PSD3: variants seen among roughly 807,000 people sequenced by gnomAD.
PSD3 encodes the protein PH and SEC7 domain-containing protein 3.
Under a neutral mutation model 105.5 loss-of-function variants are expected in PSD3, and 49 were observed. The observed-to-expected ratio is 0.46, with a 90% CI of 0.37 to 0.59. PSD3 has a LOEUF of 0.59. PSD3 is among the 20% of genes least tolerant of loss of function. The probability of loss-of-function intolerance (pLI) is 0.00; values close to 1 mark genes in which losing one functional copy is unlikely to be tolerated. For missense variants in PSD3, 1,561 were observed against 1,263.8 expected, an observed-to-expected ratio of 1.24 and a Z score of -3.57; for synonymous variants, 557 against 457.8, an observed-to-expected ratio of 1.22 and a Z score of -2.77.
intron 9 of PSD3, among the ~76,000 whole-genome samples, chr8:18,709,117 G>A (rs904303739): frequency 3.3e-5 from 5 of 152,196 alleles, no homozygotes; most frequent in African/African-American, 1.2e-4. Flanking sequence ...CTTGGGGAAA[G>A]GGGTGGCTGC....
At chr8:18,758,524 A>C (rs1273820941) in intron 9 of PSD3, among the ~76,000 whole-genome samples, 3 of 151,404 alleles carry the variant, frequency 2.0e-5, no homozygotes, top group Non-Finnish European at 1.5e-5. Flanking sequence ...CTAGATTTTT[A>C]ATGGCTGATT....
At chr8:18,800,632 C>T (rs1269920874) in intron 7 of PSD3, among the ~76,000 whole-genome samples, 1 of 152,134 alleles carries the variant, frequency 6.6e-6, no homozygotes, top group African/African-American at 2.4e-5. Context: ...AAGGTAGGTC[C>T]ACAAACAAAC....
chr8:18,641,602 C>A (rs1440945010), intron 10 of PSD3, among the ~76,000 whole-genome samples: 1 of 152,168 alleles, frequency 6.6e-6, no homozygotes, highest in Non-Finnish European at 1.5e-5. Context: ...GTGGTTGTTA[C>A]ACAAGTGTGC....
At chr8:18,712,742 C>A (rs1158227529) in intron 9 of PSD3, among the ~76,000 whole-genome samples, 1 of 152,054 alleles carries the variant, frequency 6.6e-6, no homozygotes, top group Non-Finnish European at 1.5e-5. Context: ...CGAAACTATT[C>A]CAAAAAATTG....
At chr8:18,650,218 A>G (rs1808374222) in intron 10 of PSD3, among the ~76,000 whole-genome samples, 1 of 152,366 alleles carries the variant, frequency 6.6e-6, no homozygotes, top group Non-Finnish European at 1.5e-5. Flanking sequence ...TCATGCAGAT[A>G]CATTTTAAAC....
intron 14 of PSD3, among the ~76,000 whole-genome samples, chr8:18,559,054 AT>A (rs571279496): frequency 2.0e-5 from 3 of 151,752 alleles, no homozygotes; most frequent in Non-Finnish European, 4.4e-5. Flanking sequence ...CTGTTGTGGG[AT>A]TTTTTTTCCC....
At position 18,611,942 on chromosome 8, in the gene PSD3, A is replaced by G. The variant is rs80249246; in HGVS notation, c.2411-11508T>C. Among the ~76,000 whole-genome samples the G allele has an allele frequency of 5.4e-3, 828 of 152,352 alleles. 14 individuals carry two copies. In the East Asian group the frequency reaches 0.058, roughly 11 times the overall value. On this transcript the variant is annotated intron_variant, in intron 11 of 15. Coordinates refer to ENST00000327040, the MANE Select transcript of PSD3 (RefSeq NM_015310.4). Reference sequence around the variant, plus strand: ...TCTTGCTTAACTGTTGATCTTCATTACAGATTAATTTCCCTCTTACCTTTC... The same window carrying G: ...TCTTGCTTAACTGTTGATCTTCATTGCAGATTAATTTCCCTCTTACCTTTC...
intron 15 of PSD3, among the ~76,000 whole-genome samples, chr8:18,545,387 G>A (rs952822977): frequency 2.6e-5 from 4 of 152,012 alleles, no homozygotes; most frequent in Admixed American, 1.3e-4. Flanking sequence ...GCCTTGTGAT[G>A]GTTTTGACTA....
rs908366176 is a variant in PSD3 at position 18,561,043 on chromosome 8, A to G, written c.2785-4691T>C. ...AAACTGTAAGAAGGCTCCTCAAAAA[A>G]CTAAAAATGGAATTACCAAATAATC... On this transcript the variant is annotated intron_variant, in intron 14 of 15. Transcript: ENST00000327040. 4.6e-5 allele frequency among the ~76,000 whole-genome samples: 7 copies of G among 152,344 alleles called. No individual in the cohort carries two copies. The East Asian group carries it at 1.3e-3, about 29-fold the overall frequency.
Position 18,704,234 on chromosome 8 carries a change from A to G in PSD3, c.2173-48549T>C, listed in dbSNP as rs189090910. Among the ~76,000 whole-genome samples the G allele has an allele frequency of 1.2e-4, 19 of 152,302 alleles. No individual in the cohort carries two copies. The East Asian group carries it at 3.7e-3, about 29-fold the overall frequency. ...AGAATGTGCTTTACTCTGGACATTT[A>G]TTTTTCTTACTAGACTCTAAATGAA... On this transcript the variant is annotated intron_variant, in intron 9 of 15. Coordinates refer to ENST00000327040, the MANE Select transcript of PSD3 (RefSeq NM_015310.4).
intron 12 of PSD3, among the ~76,000 whole-genome samples, chr8:18,591,696 T>C (rs1295120633): frequency 6.6e-6 from 1 of 152,038 alleles, no homozygotes; most frequent in African/African-American, 2.4e-5. Context: ...AGGAGCAGAG[T>C]ATGCATCCAG....
chr8:19,004,516 G>A (rs13281268), intron 1 of PSD3, among the ~76,000 whole-genome samples: 40,397 of 151,808 alleles, frequency 0.27, 6,425 homozygotes, highest in East Asian at 0.42. Context: ...AATGAGAGAA[G>A]CTATTTGCAA....
intron 10 of PSD3, among the ~76,000 whole-genome samples, chr8:18,647,165 C>T (rs10101610): frequency 6.6e-6 from 1 of 152,032 alleles, no homozygotes; most frequent in Non-Finnish European, 1.5e-5. Context: ...AGAGGCAGCA[C>T]TGATTTCCTG....
chr8:19,042,112 G>A (rs186160438), intron 1 of PSD3, among the ~76,000 whole-genome samples: 36 of 152,256 alleles, frequency 2.4e-4, no homozygotes, highest in African/African-American at 8.4e-4. Flanking sequence ...CAAAACTGAT[G>A]AGAAACAGCT....
chr8:18,743,781 A>T (rs1804762063), intron 9 of PSD3, among the ~76,000 whole-genome samples: 1 of 151,940 alleles, frequency 6.6e-6, no homozygotes, highest in African/African-American at 2.4e-5. Flanking sequence ...TATTAAAAAA[A>T]AAAAAAAAAG....
intron 14 of PSD3, among the ~76,000 whole-genome samples, chr8:18,568,047 T>C (rs764040020): frequency 1.3e-5 from 2 of 152,180 alleles, no homozygotes; most frequent in Non-Finnish European, 1.5e-5. Flanking sequence ...ATGTGACACA[T>C]CTGTTTCCCT....
rs928289960 is a variant in PSD3 at position 18,528,676 on chromosome 8, C to G, written c.*7067G>C. On this transcript the variant is annotated 3_prime_UTR_variant, in exon 16 of 16. Coordinates refer to ENST00000327040, the MANE Select transcript of PSD3 (RefSeq NM_015310.4). ...AGGACTCAGAGCAGTGAGCCTCAGACCTGCAGTGTGGTCCTTAATCGAGCC... is the reference window on the plus strand; with the variant it reads ...AGGACTCAGAGCAGTGAGCCTCAGAGCTGCAGTGTGGTCCTTAATCGAGCC... 2.6e-5 allele frequency: 4 copies of G among 152,554 alleles called. No individual in the cohort carries two copies. Among genetic ancestry groups the G allele is most frequent in the Non-Finnish European group, 5.9e-5 (4 of 68,058 alleles). 9.5% of individuals were successfully genotyped at this position (152,554 alleles called of 1,614,324 possible).
At chr8:18,963,265 T>A (rs1260799677) in intron 1 of PSD3, among the ~76,000 whole-genome samples, 1 of 152,170 alleles carries the variant, frequency 6.6e-6, no homozygotes, top group East Asian at 1.9e-4. Flanking sequence ...CAATTCAAGA[T>A]GAGATTTGGG....
intron 9 of PSD3, among the ~76,000 whole-genome samples, chr8:18,755,740 G>C (rs556111461): frequency 6.7e-6 from 1 of 149,330 alleles, no homozygotes; most frequent in Admixed American, 6.7e-5. Flanking sequence ...CATTGTAACA[G>C]ACTTCTTTTT....
Sources: gnomAD v4.1 joint callset for allele counts (sites outside exome capture counted in the v4.1 genomes callset) on GRCh38, gnomAD v4.1.1 for gene constraint, MANE v1.5 for transcripts, NCBI Gene and HGNC (gene_info 2026-07-23, HGNC 2026-07-21) for gene names.